Variants in MYLK3 observed in about 807,000 individuals in gnomAD.
MYLK3 encodes the protein myosin light chain kinase 3.
A neutral mutation model predicts 76.3 loss-of-function variants in MYLK3; 55 were observed. The observed-to-expected ratio is 0.72, with a 90% CI of 0.58 to 0.90. The LOEUF (loss-of-function observed/expected upper bound fraction) is 0.90, where lower values mean the gene tolerates loss of function less well. Among genes scored for constraint, MYLK3 ranks in the 40% least tolerant of loss-of-function variants. The pLI, the probability that MYLK3 is intolerant of heterozygous loss-of-function variation, is 0.00. For synonymous variants in MYLK3, 416 were observed against 425.4 expected (o/e 0.98, Z 0.27); for missense variants, 973 against 1,053.6 (o/e 0.92, Z 1.06).
At chr16:46,719,266 G>T (rs917036626) in intron 9 of MYLK3, among the ~76,000 whole-genome samples, 54 of 151,834 alleles carry the variant, frequency 3.6e-4, no homozygotes, top group Non-Finnish European at 5.9e-5. Flanking sequence ...GACGGAGGTT[G>T]CAGTGAGCCG....
At chr16:46,747,560 C>T (rs1967049360) in intron 1 of MYLK3, among the ~76,000 whole-genome samples, 157 bp downstream of exon 1, 1 of 152,240 alleles carries the variant, frequency 6.6e-6, no homozygotes, top group Non-Finnish European at 1.5e-5. Flanking sequence ...GGAAATCCAC[C>T]TATGACCTGT....
In MYLK3 at chr16:46,712,727, G is replaced by T. The variant is rs2143012735; in HGVS notation, c.2035C>A (p.Leu679Met). Residue 679 changes from leucine to methionine, a missense_variant, in exon 10 of 13, where the codon CTG (leucine) becomes ATG (methionine). Around this residue, in one of 2 missense-constraint regions of MYLK3, gnomAD observed 332 missense variants for 416.6 expected, o/e 0.80. Transcript: ENST00000394809. Reference sequence around the variant, plus strand: ...TCATAATTGACGACTTCTGGGGCCAGGAACTCAGGAGTGCCGAAGTTCACC... The same window carrying T: ...TCATAATTGACGACTTCTGGGGCCATGAACTCAGGAGTGCCGAAGTTCACC... ...LKVNFGTPEF[L>M]APEVVNYEFV... 1 of 1,600,076 alleles carries T rather than the reference G, an allele frequency of 6.2e-7. No individual in the cohort carries two copies. Among genetic ancestry groups the T allele is most frequent in the South Asian group, 1.1e-5 (1 of 89,272 alleles).
intron 8 of MYLK3, among the ~76,000 whole-genome samples, chr16:46,725,353 T>G (rs1453649506): frequency 6.6e-6 from 1 of 152,226 alleles, no homozygotes; most frequent in Non-Finnish European, 1.5e-5. Context: ...CCTTGTCTTA[T>G]TCCTGATTTT....
intron 1 of MYLK3, among the ~76,000 whole-genome samples, chr16:46,746,635 G>C (rs1410398687): frequency 6.6e-6 from 1 of 152,086 alleles, no homozygotes; most frequent in Non-Finnish European, 1.5e-5. Context: ...ATGTTGCCTA[G>C]GCTGGTCTCA....
chr16:46,749,547 A>G (rs1218373966), upstream of MYLK3, among the ~76,000 whole-genome samples: 1 of 152,230 alleles, frequency 6.6e-6, no homozygotes, highest in African/African-American at 2.4e-5. Context: ...GCTTGTGTCC[A>G]GGTGTTCGAA....
rs1966850916 is a variant in MYLK3 at position 46,730,697 on chromosome 16, A to G, written c.1464T>C (p.Asp488=). 1 of 1,613,812 alleles carries G rather than the reference A, an allele frequency of 6.2e-7. No homozygotes were observed. Among genetic ancestry groups the G allele is most frequent in the Non-Finnish European group, 8.5e-7 (1 of 1,179,978 alleles). Reference sequence around the variant, plus strand: ...AAGGAGCTGGTGGGGCCGGACTGTCATCTGCTCAGGAGGCAATAAGGACCT... The same window carrying G: ...AAGGAGCTGGTGGGGCCGGACTGTCGTCTGCTCAGGAGGCAATAAGGACCT... ...PGAEAGSVVL[D]DSPAPPAPFE... The change falls in exon 5 of 13, where the codon GAT becomes GAC. Residue 488 remains aspartate, a splice_region_variant and synonymous_variant. Transcript: ENST00000394809.
chr16:46,717,760 C>T lies in MYLK3; in HGVS notation c.1985+3363G>A, dbSNP rs542477560. Among the ~76,000 whole-genome samples, 7 of 152,314 alleles carry T rather than the reference C, an allele frequency of 4.6e-5. No individual in the cohort carries two copies. The South Asian group carries it at 1.4e-3, about 32-fold the overall frequency. On this transcript the variant is annotated intron_variant, in intron 9 of 12. Transcript: ENST00000394809. The stretch of plus-strand genomic sequence containing the variant: ...AAATCAAACCCATCCCCTCTCACTC[C>T]CCACTCCCCCAGGCTGGTGCTGAAG...
At chr16:46,708,995 C>T (rs1338379871) in intron 12 of MYLK3, among the ~76,000 whole-genome samples, 1 of 152,160 alleles carries the variant, frequency 6.6e-6, no homozygotes. Flanking sequence ...TCCATATAAG[C>T]ACAAACCAAA....
chr16:46,708,310 AGT>A (rs1324343335), intron 12 of MYLK3, among the ~76,000 whole-genome samples: 1 of 152,214 alleles, frequency 6.6e-6, no homozygotes, highest in African/African-American at 2.4e-5. Flanking sequence ...TTGATAGAAC[AGT>A]GTTTTTCAAA....
intron 2 of MYLK3, among the ~76,000 whole-genome samples, chr16:46,739,848 G>A (rs948273561): frequency 6.6e-6 from 1 of 152,120 alleles, no homozygotes; most frequent in African/African-American, 2.4e-5. Flanking sequence ...AGGTGTTCAA[G>A]GGTCAACTGT....
At chr16:46,758,324 T>A (rs1462583371) in intron 1 of MYLK3, among the ~76,000 whole-genome samples, 15 of 150,326 alleles carry the variant, frequency 1.0e-4, no homozygotes, top group African/African-American at 2.0e-4. Flanking sequence ...TCTCTCTCTC[T>A]CTCTCTCTCT....
At chr16:46,737,268 C>T (rs910110448) in intron 3 of MYLK3, among the ~76,000 whole-genome samples, 12 of 152,116 alleles carry the variant, frequency 7.9e-5, no homozygotes, top group African/African-American at 2.2e-4. Context: ...CATTCACCTT[C>T]TGTGGATGGC....
In MYLK3 at chr16:46,748,025, T is replaced by A; in HGVS notation, c.169A>T (p.Met57Leu). Residue 57 changes from methionine to leucine, a missense_variant, in exon 1 of 13, where the codon ATG becomes TTG. Physicochemically the swap from Met to Leu is conservative, Grantham distance 15 (BLOSUM62 2). Around this residue, in one of 2 missense-constraint regions of MYLK3, gnomAD observed 641 missense variants for 637.0 expected, o/e 1.01. Coordinates refer to ENST00000394809, the MANE Select transcript of MYLK3 (RefSeq NM_182493.3). This position sits in a 1 kb window ranked among gnomAD's most constrained non-coding sequence, Gnocchi z 4.3. ...TGCAGGCCCCGCTCCAGGTGGCCCATGTCTCGGCACATGCTCTGCAACTTC... is the reference window on the plus strand; with the variant it reads ...TGCAGGCCCCGCTCCAGGTGGCCCAAGTCTCGGCACATGCTCTGCAACTTC... ...TEKLQSMCRD[M>L]GHLERGLHRL... 1.9e-6 allele frequency: 3 copies of A among 1,614,006 alleles called. No individual in the cohort carries two copies. Among genetic ancestry groups the A allele is most frequent in the Non-Finnish European group, 2.5e-6 (3 of 1,180,032 alleles).
chr16:46,737,826 C>G lies in MYLK3; in HGVS notation c.886G>C (p.Glu296Gln). 6.2e-7 allele frequency: 1 copy of G among 1,613,522 alleles called. No homozygotes were observed. The highest frequency in any genetic ancestry group is 8.5e-7 in the Non-Finnish European group (1 of 1,180,036). The change falls in exon 3 of 13, where the codon GAG (glutamate) becomes CAG (glutamine). Residue 296 changes from glutamate (E) to glutamine (Q), a missense_variant. Around this residue, in one of 2 missense-constraint regions of MYLK3, gnomAD observed 641 missense variants for 637.0 expected, o/e 1.01. Transcript: ENST00000394809. ...QGASSSRPDP[E>Q]PLEEGTRLTP... ...AGCCTCGTGCCTTCCTCTAAGGGCT[C>G]AGGGTCAGGCCTGCTGGACGATGCT...
chr16:46,737,067 T>C (rs1966871816), intron 3 of MYLK3, among the ~76,000 whole-genome samples: 1 of 152,166 alleles, frequency 6.6e-6, no homozygotes, highest in Non-Finnish European at 1.5e-5. Context: ...GCCCTGTCCT[T>C]CTCTCCCCAC....
At chr16:46,723,719 C>A (rs983816828) in intron 8 of MYLK3, among the ~76,000 whole-genome samples, 2 of 148,712 alleles carry the variant, frequency 1.3e-5, no homozygotes, top group Non-Finnish European at 3.0e-5. Context: ...GCCCTGATTC[C>A]GCTCACCGCA....
intron 1 of MYLK3, among the ~76,000 whole-genome samples, chr16:46,755,387 G>A (rs894303584): frequency 6.6e-6 from 1 of 151,862 alleles, no homozygotes; most frequent in African/African-American, 2.4e-5. Flanking sequence ...GAACTTGGGA[G>A]GTGGAGGTTG....
chr16:46,756,584 C>T (rs912055181), intron 1 of MYLK3, among the ~76,000 whole-genome samples: 5 of 152,132 alleles, frequency 3.3e-5, no homozygotes, highest in Non-Finnish European at 5.9e-5. Context: ...TTATAACAGT[C>T]GTGTTGCAGC....
intron 3 of MYLK3, among the ~76,000 whole-genome samples, chr16:46,737,050 C>T (rs1966871758): frequency 6.6e-6 from 1 of 152,220 alleles, no homozygotes; most frequent in Admixed American, 6.5e-5. Flanking sequence ...CTCTCACATT[C>T]CTGAGGGCCC....
Sources: gnomAD v4.1 joint callset for allele counts (sites outside exome capture counted in the v4.1 genomes callset) on GRCh38, gnomAD v4.1.1 for gene constraint, gnomAD v4.1.1 regional missense constraint, Gnocchi (gnomAD v3.1) non-coding constraint, MANE v1.5 for transcripts, NCBI Gene and HGNC (gene_info 2026-07-23, HGNC 2026-07-21) for gene names.